Variants in DEAF1 observed in about 807,000 individuals in gnomAD.
DEAF1 encodes the protein deformed epidermal autoregulatory factor 1 homolog.
A neutral mutation model predicts 58.9 loss-of-function variants in DEAF1; 53 were observed. That is an observed-to-expected ratio of 0.90 (90% CI 0.72 to 1.13). DEAF1 has a LOEUF of 1.13. DEAF1 is among the 50% of genes most tolerant of loss of function. The probability of loss-of-function intolerance (pLI) is 0.00; values close to 1 mark genes in which losing one functional copy is unlikely to be tolerated. For synonymous variants in DEAF1, 385 were observed against 340.4 expected (o/e 1.13, Z -1.44); for missense variants, 685 against 791.4 (o/e 0.87, Z 1.61).
chr11:669,899 C>T (rs1859730024), intron 10 of DEAF1, among the ~76,000 whole-genome samples: 1 of 139,304 alleles, frequency 7.2e-6, no homozygotes, highest in East Asian at 2.1e-4. Context: ...CAGTGTACTC[C>T]AGCCTGGGTG....
chr11:663,363 G>A (rs1256934696), intron 10 of DEAF1, among the ~76,000 whole-genome samples: 1 of 152,172 alleles, frequency 6.6e-6, no homozygotes, highest in East Asian at 1.9e-4. Flanking sequence ...CAGGACAATC[G>A]CTTGCACCCG....
chr11:695,797 T>C, upstream of DEAF1: 1 of 1,235,368 alleles, frequency 8.1e-7, no homozygotes. Flanking sequence ...GCTGCCGGGA[T>C]CGCGACGGAC....
chr11:655,410 G>C (rs548575231), intron 10 of DEAF1, among the ~76,000 whole-genome samples: 1 of 152,366 alleles, frequency 6.6e-6, no homozygotes, highest in East Asian at 1.9e-4. Context: ...ATTAATGTTT[G>C]CGGCATGACT....
intron 4 of DEAF1, among the ~76,000 whole-genome samples, chr11:687,230 C>G (rs1197070127): frequency 6.6e-6 from 1 of 152,232 alleles, no homozygotes; most frequent in African/African-American, 2.4e-5. Flanking sequence ...GCAGTGCAAG[C>G]TCAACCAGGT....
At chr11:698,386 T>G (rs191768110), upstream of DEAF1, among the ~76,000 whole-genome samples, 36 of 152,356 alleles carry the variant, frequency 2.4e-4, no homozygotes, top group Admixed American at 9.8e-4. Context: ...TCCTTATTTT[T>G]GGAGGGATAT....
chr11:699,981 G>A (rs1387267893), upstream of DEAF1: 3 of 600,358 alleles, frequency 5.0e-6, no homozygotes, highest in Non-Finnish European at 8.9e-6. Flanking sequence ...AGCCAGCATA[G>A]TGACAGAAGC....
intron 11 of DEAF1, among the ~76,000 whole-genome samples, chr11:645,179 A>AG (rs1246909558): frequency 6.6e-6 from 1 of 151,282 alleles, no homozygotes; most frequent in Non-Finnish European, 1.5e-5. Context: ...AAAAAAAAAA[A>AG]GTCAAACAAC....
rs753371450 is a variant in DEAF1, at chr11:691,563, C to T, written c.325G>A (p.Ala109Thr). 1 of 1,613,756 alleles carries T rather than the reference C, an allele frequency of 6.2e-7. No individual in the cohort carries two copies. The highest frequency in any genetic ancestry group is 2.2e-5 in the East Asian group (1 of 44,888). ...TTVTVANVGAAADNVFTTSVA... is the reference protein window; with the variant it reads ...TTVTVANVGATADNVFTTSVA... ...GACGTGGTGAAGACATTGTCTGCAG[C>T]AGCCCCCACGTTGGCCACTGTCACT... Residue 109 changes from alanine to threonine, a missense_variant, in exon 2 of 12, where the codon GCT (alanine) becomes ACT (threonine). By Grantham distance (58) the Ala-to-Thr change is moderately conservative (BLOSUM62 0). Transcript: ENST00000382409.
At chr11:685,078 A>ATTT in intron 5 of DEAF1, 115 bp from the exon 6 acceptor site, 2 of 696,200 alleles carry the variant, frequency 2.9e-6, no homozygotes, top group Non-Finnish European at 2.2e-6. Flanking sequence ...TAAATATAAA[A>ATTT]ATTCTTTTTT....
intron 9 of DEAF1, among the ~76,000 whole-genome samples, chr11:675,861 G>A (rs1041619418): frequency 7.2e-5 from 11 of 151,734 alleles, no homozygotes; most frequent in Non-Finnish European, 1.3e-4. Flanking sequence ...ATGTTGGGAA[G>A]TCGGGTAAAA....
In DEAF1 at chr11:674,714, A is replaced by C. The variant is rs748296992; in HGVS notation, c.1325T>G (p.Val442Gly). 1 of 1,613,866 alleles carries C rather than the reference A, an allele frequency of 6.2e-7. No homozygotes were observed. The highest frequency in any genetic ancestry group is 1.1e-5 in the South Asian group (1 of 91,084). ...TPTKAAPPAL[V>G]NGLELSEPRS... Reference sequence around the variant, plus strand: ...CGGCTCTGACAGCTCCAGCCCATTGACCAACGCGGGAGGTGCCGCTTTGGT... The same window carrying C: ...CGGCTCTGACAGCTCCAGCCCATTGCCCAACGCGGGAGGTGCCGCTTTGGT... The change falls in exon 10 of 12, where the codon GTC becomes GGC. Residue 442 changes from valine to glycine, a missense_variant. Coordinates refer to ENST00000382409, the MANE Select transcript of DEAF1 (RefSeq NM_021008.4).
chr11:705,770 A>C (rs541996354), intron 1 of DEAF1, among the ~76,000 whole-genome samples: 2 of 152,116 alleles, frequency 1.3e-5, no homozygotes, highest in Non-Finnish European at 2.9e-5. Context: ...TGACCTCCCC[A>C]GGGCTGGAGC....
At chr11:665,485 T>C (rs527748360) in intron 10 of DEAF1, among the ~76,000 whole-genome samples, 61 of 152,372 alleles carry the variant, frequency 4.0e-4, no homozygotes, top group Non-Finnish European at 6.9e-4. Flanking sequence ...GGATGTTCAC[T>C]GCAACAGCTG....
chr11:666,120 GA>G (rs1322146454), intron 10 of DEAF1: 2 of 152,310 alleles, frequency 1.3e-5, no homozygotes, highest in African/African-American at 4.8e-5. Flanking sequence ...GGAACATCCA[GA>G]AAACCACAGC....
chr11:690,650 G>A (rs1049289869), intron 2 of DEAF1, among the ~76,000 whole-genome samples: 2 of 152,006 alleles, frequency 1.3e-5, no homozygotes, highest in African/African-American at 4.8e-5. Context: ...GGAGGCTGAG[G>A]CACAAGAATG....
chr11:677,810 A>G (rs1463276878), intron 9 of DEAF1, among the ~76,000 whole-genome samples: 2 of 150,942 alleles, frequency 1.3e-5, no homozygotes, highest in Non-Finnish European at 1.5e-5. Context: ...ATAACAAAAA[A>G]AAATTAGCTG....
At chr11:669,347 A>G (rs1033170618) in intron 10 of DEAF1, among the ~76,000 whole-genome samples, 1 of 152,146 alleles carries the variant, frequency 6.6e-6, no homozygotes, top group Non-Finnish European at 1.5e-5. Flanking sequence ...TAGGAAATCT[A>G]GAAAATCAAC....
chr11:688,276 C>A lies in DEAF1; in HGVS notation c.517+55G>T. The A allele has an allele frequency of 6.3e-7, 1 of 1,592,490 alleles. No homozygotes were observed. ...AGTAAATAAATCCCTGAAATAAATT[C>A]TAGCTATTCTGAAACGTGTTTTGCC... On this transcript the variant is annotated intron_variant, in intron 3 of 11. Coordinates refer to ENST00000382409, the MANE Select transcript of DEAF1 (RefSeq NM_021008.4). This position sits in a 1 kb window ranked among gnomAD's most constrained non-coding sequence, Gnocchi z 4.3.
intron 11 of DEAF1, among the ~76,000 whole-genome samples, chr11:645,943 A>G (rs1284740402): frequency 6.6e-6 from 1 of 152,140 alleles, no homozygotes; most frequent in African/African-American, 2.4e-5. Context: ...GCAGAATTCC[A>G]GCTGATTATA....
Sources: allele counts gnomAD v4.1 joint callset (sites outside exome capture counted in the v4.1 genomes callset), GRCh38; gene constraint gnomAD v4.1.1; non-coding constraint Gnocchi (gnomAD v3.1); transcripts MANE v1.5; gene names NCBI Gene and HGNC (gene_info 2026-07-23, HGNC 2026-07-21).